DSCAM: variants seen among roughly 807,000 people sequenced by gnomAD.
DSCAM encodes cell adhesion molecule DSCAM.
In DSCAM, 47 loss-of-function variants were observed where a neutral mutation model predicts 217.7. The observed-to-expected ratio is 0.22, with a 90% CI of 0.17 to 0.28. The LOEUF is 0.28. Ranked by LOEUF, DSCAM falls within the 10% of genes least tolerant of loss-of-function variation. The probability of loss-of-function intolerance (pLI) is 1.00; values close to 1 mark genes in which losing one functional copy is unlikely to be tolerated. For synonymous variants in DSCAM, 1,056 were observed against 1,015.3 expected, an observed-to-expected ratio of 1.04 and a Z score of -0.76; for missense variants, 2,080 against 2,618.3, an observed-to-expected ratio of 0.79 and a Z score of 4.49.
At chr21:40,381,463 C>T (rs2075024734) in intron 3 of DSCAM, among the ~76,000 whole-genome samples, 2 of 151,922 alleles carry the variant, frequency 1.3e-5, no homozygotes, top group African/African-American at 4.8e-5. Flanking sequence ...GTTGTGGGTG[C>T]ACAATACAGT....
At chr21:40,804,166 CAGGGATAGGGG>C (rs2091766663) in intron 1 of DSCAM, among the ~76,000 whole-genome samples, 1 of 152,174 alleles carries the variant, frequency 6.6e-6, no homozygotes, top group Admixed American at 6.5e-5. Flanking sequence ...GTCCTGTCCA[CAGGGATAGGGG>C]AGGCTTCCTG....
intron 4 of DSCAM, among the ~76,000 whole-genome samples, chr21:40,366,471 T>G (rs576197941): frequency 1.2e-4 from 19 of 152,312 alleles, no homozygotes; most frequent in African/African-American, 3.8e-4. Flanking sequence ...ACTTTTTGTT[T>G]CACAGATTTG....
At chr21:40,572,582 A>G (rs1196023250) in intron 3 of DSCAM, among the ~76,000 whole-genome samples, 3 of 152,194 alleles carry the variant, frequency 2.0e-5, no homozygotes, top group Non-Finnish European at 4.4e-5. Context: ...TCCAACCACT[A>G]TGCATCATAA....
intron 1 of DSCAM, among the ~76,000 whole-genome samples, chr21:40,782,573 C>A (rs534598108): frequency 6.6e-6 from 1 of 151,658 alleles, no homozygotes; most frequent in Non-Finnish European, 1.5e-5. Flanking sequence ...ACAAAGAATG[C>A]AAAAAATTAG....
Position 40,214,969 on chromosome 21 carries a change from C to T in DSCAM, c.2357-25731G>A, listed in dbSNP as rs1213240668. On this transcript the variant is annotated intron_variant, in intron 11 of 32. Coordinates refer to ENST00000400454, the MANE Select transcript of DSCAM (RefSeq NM_001389.5). ...TATGGAATCCTCACGCCTGTAATCC[C>T]AGCACTTTGGGAGGCCGAGGCGGGT... 2.5e-4 allele frequency among the ~76,000 whole-genome samples: 8 copies of T among 32,044 alleles called. 2 individuals are homozygous for T. Among genetic ancestry groups the T allele is most frequent in the Admixed American group, 8.3e-4 (2 of 2,406 alleles). 21.0% of individuals were successfully genotyped at this position (32,044 alleles called of 152,430 possible). A position where few individuals can be genotyped will look rare whatever the true frequency, so the allele number is the denominator to read the frequency against.
At chr21:40,048,895 C>A (rs1237780583) in intron 30 of DSCAM, among the ~76,000 whole-genome samples, 1 of 152,012 alleles carries the variant, frequency 6.6e-6, no homozygotes, top group African/African-American at 2.4e-5. Context: ...GGGCCAGTCA[C>A]CTACCATTTC....
chr21:40,055,659 G>T, intron 29 of DSCAM, 66 bp downstream of exon 29: 1 of 1,184,166 alleles, frequency 8.4e-7, no homozygotes, highest in Non-Finnish European at 1.3e-6. Flanking sequence ...CACATCCTGG[G>T]GTTTGGATTG....
At chr21:40,145,608 G>A (rs2090345760) in intron 16 of DSCAM, among the ~76,000 whole-genome samples, 1 of 152,160 alleles carries the variant, frequency 6.6e-6, no homozygotes, top group African/African-American at 2.4e-5. Context: ...ACTTTGGGAG[G>A]CTGAGGTGGG....
intron 3 of DSCAM, among the ~76,000 whole-genome samples, chr21:40,682,618 A>AG (rs1253863033): frequency 1.1e-4 from 12 of 104,520 alleles, no homozygotes; most frequent in African/African-American, 4.8e-4. Flanking sequence ...AAAGAAAGAG[A>AG]AAGAGAAAGA....
intron 28 of DSCAM, 24 bp downstream of exon 28, chr21:40,062,845 T>C: frequency 6.4e-7 from 1 of 1,572,226 alleles, no homozygotes; most frequent in Non-Finnish European, 8.6e-7. Flanking sequence ...ACATGATATC[T>C]GGGGTGCTAG....
chr21:40,409,594 A>C (rs1483048734), intron 3 of DSCAM, among the ~76,000 whole-genome samples: 1 of 152,216 alleles, frequency 6.6e-6, no homozygotes, highest in Non-Finnish European at 1.5e-5. Context: ...CTGATAATGC[A>C]TGTGGGAAGA....
chr21:40,358,626 G>A (rs2074722301), intron 4 of DSCAM, among the ~76,000 whole-genome samples: 1 of 151,982 alleles, frequency 6.6e-6, no homozygotes, highest in South Asian at 2.1e-4. Context: ...GGCCAACATG[G>A]TGGAACCCCG....
At chr21:40,756,216 C>T (rs2091275014) in intron 1 of DSCAM, among the ~76,000 whole-genome samples, 1 of 152,090 alleles carries the variant, frequency 6.6e-6, no homozygotes, top group East Asian at 1.9e-4. Context: ...GTGGCACCTC[C>T]CCCCTCTCTT....
intron 8 of DSCAM, among the ~76,000 whole-genome samples, chr21:40,323,188 C>G (rs2074279702): frequency 1.3e-5 from 2 of 152,154 alleles, no homozygotes; most frequent in African/African-American, 4.8e-5. Context: ...CCCAGTCCTT[C>G]TTCCTGTCCT....
chr21:40,026,069 G>T (rs1280119981), intron 32 of DSCAM, among the ~76,000 whole-genome samples: 3 of 141,946 alleles, frequency 2.1e-5, no homozygotes, highest in East Asian at 3.9e-4. Context: ...CTGGTATGTT[G>T]TGTCTTTGTT....
chr21:40,277,330 C>G (rs1231379131), intron 10 of DSCAM, among the ~76,000 whole-genome samples: 1 of 152,162 alleles, frequency 6.6e-6, no homozygotes, highest in Non-Finnish European at 1.5e-5. Context: ...AAACTTCAGA[C>G]TTTGCATCTG....
intron 20 of DSCAM, among the ~76,000 whole-genome samples, chr21:40,098,072 A>G (rs1323659863): frequency 6.6e-6 from 1 of 152,002 alleles, no homozygotes; most frequent in Non-Finnish European, 1.5e-5. Context: ...CTTAAGTGAT[A>G]TCCTATGATA....
At chr21:40,822,448 TA>T (rs199828276) in intron 1 of DSCAM, among the ~76,000 whole-genome samples, 9,069 of 148,652 alleles carry the variant, frequency 0.061, 308 homozygotes, top group Admixed American at 0.1. Flanking sequence ...TGTTTTTTTT[TA>T]AAAAAAAAGA....
In DSCAM at chr21:40,266,670, T is replaced by TATATATATATATATATAA. The variant is rs201198571; in HGVS notation, c.2356+9426_2356+9427insTTATATATATATATATAT. On this transcript the variant is annotated intron_variant, in intron 11 of 32. Coordinates refer to ENST00000400454, the MANE Select transcript of DSCAM (RefSeq NM_001389.5). ...ATATATATATATATATATATATATA[T>TATATATATATATATATAA]AATCTTGAAATTTTATATATATAAA... 1.6e-3 allele frequency among the ~76,000 whole-genome samples: 191 copies of TATATATATATATATATAA among 120,586 alleles called. 2 individuals are homozygous for TATATATATATATATATAA. Among genetic ancestry groups the TATATATATATATATATAA allele is most frequent in the African/African-American group, 7.0e-3 (172 of 24,606 alleles). The allele number at this position is 120,586 out of a possible 152,430, so 79.1% of individuals were successfully genotyped here. A position where few individuals can be genotyped will look rare whatever the true frequency, so the allele number is the denominator to read the frequency against.
Sources: allele counts gnomAD v4.1 joint callset (sites outside exome capture counted in the v4.1 genomes callset), GRCh38; gene constraint gnomAD v4.1.1; transcripts MANE v1.5; gene names NCBI Gene and HGNC (gene_info 2026-07-23, HGNC 2026-07-21).